NRXN3: variants seen among roughly 807,000 people sequenced by gnomAD.
The protein encoded by NRXN3 is neurexin 3, also known as neurexin III.
Under a neutral mutation model 137.6 loss-of-function variants are expected in NRXN3, and 32 were observed. The observed-to-expected ratio is 0.23, with a 90% confidence interval of 0.18 to 0.31. NRXN3 has a LOEUF of 0.31. NRXN3 is among the 10% of genes least tolerant of loss of function. The pLI is 1.00. For synonymous variants in NRXN3, 798 were observed against 784.5 expected (o/e 1.02, Z -0.29); for missense variants, 1,574 against 2,062.5 (o/e 0.76, Z 4.59).
chr14:78,983,078 A>C (rs925501818), intron 14 of NRXN3, among the ~76,000 whole-genome samples: 1 of 152,220 alleles, frequency 6.6e-6, no homozygotes, highest in Non-Finnish European at 1.5e-5. Context: ...AACTGAAACC[A>C]TGATGAGATA....
intron 4 of NRXN3, among the ~76,000 whole-genome samples, chr14:78,600,948 C>T (rs968596726): frequency 6.6e-5 from 10 of 152,192 alleles, no homozygotes; most frequent in Non-Finnish European, 1.3e-4. Context: ...CCTTTTACCA[C>T]GAATCTGTCA....
chr14:79,504,674 T>TATATATATATATATATAA lies in NRXN3; in HGVS notation c.3444+37273_3444+37274insTATATATATATATATAAA, dbSNP rs1464757508. On this transcript the variant is annotated intron_variant, in intron 16 of 20. Coordinates refer to ENST00000335750, the MANE Select transcript of NRXN3 (RefSeq NM_001330195.2). The stretch of plus-strand genomic sequence containing the variant: ...ATATATGTATATATATATATATATA[T>TATATATATATATATATAA]AAAACATTACACATTTAGGACATTT... Among the ~76,000 whole-genome samples, 16 of 143,446 alleles carry TATATATATATATATATAA rather than the reference T, an allele frequency of 1.1e-4. 1 individual carries two copies. Among genetic ancestry groups the TATATATATATATATATAA allele is most frequent in the African/African-American group, 3.9e-4 (15 of 38,406 alleles). The allele number at this position is 143,446 out of a possible 152,430, so 94.1% of individuals were successfully genotyped here. A position where few individuals can be genotyped will look rare whatever the true frequency, so the allele number is the denominator to read the frequency against.
rs768993413 is a variant in NRXN3 at position 78,795,424 on chromosome 14, G to A, written c.2045-8196G>A. ...AGGAGCCTCTGAATGCCAGTGGGGAGATAGTTTTCCTCTTACTGGTCAGAG... is the reference window on the plus strand; with the variant it reads ...AGGAGCCTCTGAATGCCAGTGGGGAAATAGTTTTCCTCTTACTGGTCAGAG... On this transcript the variant is annotated intron_variant, in intron 8 of 20. Transcript: ENST00000335750. Among the ~76,000 whole-genome samples, 70 of 152,166 alleles carry A rather than the reference G, an allele frequency of 4.6e-4. 1 individual carries two copies. Among genetic ancestry groups the A allele is most frequent in the Admixed American group, 8.5e-4 (13 of 15,274 alleles).
At position 79,531,029 on chromosome 14, in the gene NRXN3, A is replaced by G. The variant is rs555607688; in HGVS notation, c.3444+63627A>G. Among the ~76,000 whole-genome samples the G allele has an allele frequency of 2.6e-5, 4 of 152,276 alleles. No individual in the cohort carries two copies. In the South Asian group the frequency reaches 8.3e-4, roughly 32 times the overall value. On this transcript the variant is annotated intron_variant, in intron 16 of 20. Coordinates refer to ENST00000335750, the MANE Select transcript of NRXN3 (RefSeq NM_001330195.2). Reference sequence around the variant, plus strand: ...TTTTATCTCCCAGCAGAAGTGTTGCAGTGTCCTCACATTTGGATTGAGAAT... The same window carrying G: ...TTTTATCTCCCAGCAGAAGTGTTGCGGTGTCCTCACATTTGGATTGAGAAT...
At chr14:79,399,905 A>G (rs2095141533) in intron 15 of NRXN3, among the ~76,000 whole-genome samples, 1 of 152,118 alleles carries the variant, frequency 6.6e-6, no homozygotes, top group South Asian at 2.1e-4. Context: ...GGTGGCGGCC[A>G]TCAATTCTGG....
At chr14:79,151,057 A>C (rs9323672) in intron 15 of NRXN3, among the ~76,000 whole-genome samples, 2,411 of 152,172 alleles carry the variant, frequency 0.016, 64 homozygotes, top group African/African-American at 0.055. Context: ...GCTCTGAAAG[A>C]ATTTTAGGTC....
chr14:78,607,279 T>C (rs1233305104), intron 4 of NRXN3, among the ~76,000 whole-genome samples: 1 of 152,230 alleles, frequency 6.6e-6, no homozygotes, highest in Non-Finnish European at 1.5e-5. Flanking sequence ...TGAATTCTAA[T>C]ATATGGAATC....
At position 79,441,442 on chromosome 14, in the gene NRXN3, C is replaced by G. The variant is rs1007352348; in HGVS notation, c.3263-25779C>G. ...TTGTCCAGGCTGGAGTGCAGTGGTGCGATCTTGGCTCACTGCAAGCTCCGC... is the reference window on the plus strand; with the variant it reads ...TTGTCCAGGCTGGAGTGCAGTGGTGGGATCTTGGCTCACTGCAAGCTCCGC... On this transcript the variant is annotated intron_variant, in intron 15 of 20. Transcript: ENST00000335750. 2.2e-4 allele frequency among the ~76,000 whole-genome samples: 26 copies of G among 119,224 alleles called. No individual in the cohort carries two copies. The East Asian group carries it at 6.6e-3, about 30-fold the overall frequency. 78.2% of individuals were successfully genotyped at this position (119,224 alleles called of 152,430 possible).
chr14:79,693,503 A>G (rs2098723758), intron 18 of NRXN3, among the ~76,000 whole-genome samples: 1 of 151,990 alleles, frequency 6.6e-6, no homozygotes. Context: ...ATTAAAGACA[A>G]TGATTGCCTC....
chr14:78,970,782 C>A lies in NRXN3; in HGVS notation c.3142+2436C>A, dbSNP rs144924822. 2.7e-4 allele frequency among the ~76,000 whole-genome samples: 41 copies of A among 152,268 alleles called. No individual in the cohort carries two copies. The East Asian group carries it at 7.7e-3, about 29-fold the overall frequency. On this transcript the variant is annotated intron_variant, in intron 14 of 20. Transcript: ENST00000335750. The stretch of plus-strand genomic sequence containing the variant: ...CTCATCACATGCATTACAGAGAGCT[C>A]CGACCTTCCTCTGAGTATGGTTGAT...
At chr14:78,729,670 G>A (rs1214335781) in intron 8 of NRXN3, among the ~76,000 whole-genome samples, 2 of 152,128 alleles carry the variant, frequency 1.3e-5, no homozygotes, top group Non-Finnish European at 2.9e-5. Flanking sequence ...ACTCATACCT[G>A]CATATTTACC....
intron 10 of NRXN3, among the ~76,000 whole-genome samples, chr14:78,892,426 A>C (rs2152706545): frequency 6.6e-6 from 1 of 152,092 alleles, no homozygotes; most frequent in Middle Eastern, 3.4e-3. Flanking sequence ...ATGAAAACCC[A>C]GATTAAAATC....
chr14:79,193,035 C>T (rs1448502063), intron 15 of NRXN3, among the ~76,000 whole-genome samples: 1 of 151,910 alleles, frequency 6.6e-6, no homozygotes, highest in African/African-American at 2.4e-5. Context: ...TCCCAAAGTG[C>T]TGGGATTACA....
intron 1 of NRXN3, among the ~76,000 whole-genome samples, chr14:78,219,601 A>C (rs561423065): frequency 4.6e-5 from 7 of 152,318 alleles, no homozygotes; most frequent in Admixed American, 1.3e-4. Flanking sequence ...TCTAAAGTGG[A>C]AGTAATAATA....
chr14:79,192,512 T>A (rs1228381897), intron 15 of NRXN3, among the ~76,000 whole-genome samples: 5 of 152,140 alleles, frequency 3.3e-5, no homozygotes, highest in Admixed American at 3.3e-4. Flanking sequence ...CAATATTAGA[T>A]AATATTTTCC....
At chr14:78,315,397 G>A (rs925622074) in intron 4 of NRXN3, among the ~76,000 whole-genome samples, 30 of 152,262 alleles carry the variant, frequency 2.0e-4, no homozygotes, top group South Asian at 8.3e-4. Context: ...ATAGACTTTA[G>A]TTCCTGCCTC....
chr14:78,549,968 C>T (rs1287454362), intron 4 of NRXN3, among the ~76,000 whole-genome samples: 1 of 151,802 alleles, frequency 6.6e-6, no homozygotes, highest in Non-Finnish European at 1.5e-5. Context: ...AAAAGCACCT[C>T]TAGGATCTTT....
intron 15 of NRXN3, among the ~76,000 whole-genome samples, chr14:79,441,527 C>T (rs899610176): frequency 4.0e-5 from 6 of 151,460 alleles, no homozygotes; most frequent in African/African-American, 1.2e-4. Flanking sequence ...CTACAGGCGC[C>T]CGCCACCGCA....
At chr14:79,517,896 C>CTT (rs34241975) in intron 16 of NRXN3, among the ~76,000 whole-genome samples, 2,094 of 73,364 alleles carry the variant, frequency 0.029, 417 homozygotes, top group East Asian at 0.09. Context: ...CCTGACTTTC[C>CTT]TTTTTTTTTT....
Sources: allele counts gnomAD v4.1 joint callset (sites outside exome capture counted in the v4.1 genomes callset), GRCh38; gene constraint gnomAD v4.1.1; transcripts MANE v1.5; gene names NCBI Gene and HGNC (gene_info 2026-07-23, HGNC 2026-07-21).